TAF4: variants seen among roughly 807,000 people sequenced by gnomAD.
TAF4 encodes the protein transcription initiation factor TFIID subunit 4.
Under a neutral mutation model 90.3 loss-of-function variants are expected in TAF4, and 9 were observed. The ratio of observed to expected loss-of-function variants is 0.10; its 90% CI spans 0.06 to 0.17. The LOEUF is 0.17. TAF4 is among the 10% of genes least tolerant of loss of function. The pLI is 1.00. For missense variants in TAF4, 1,351 were observed against 1,370.7 expected (o/e 0.99, Z 0.23); for synonymous variants, 818 against 638.9 (o/e 1.28, Z -4.23).
At chr20:62,020,620 G>A (rs2055837337) in intron 1 of TAF4, among the ~76,000 whole-genome samples, 1 of 152,136 alleles carries the variant, frequency 6.6e-6, no homozygotes, top group South Asian at 2.1e-4. Context: ...CCACCAGATG[G>A]GCAAACAGCC....
intron 14 of TAF4, among the ~76,000 whole-genome samples, chr20:61,987,619 G>T (rs2055601098): frequency 6.6e-6 from 1 of 152,214 alleles, no homozygotes; most frequent in South Asian, 2.1e-4. Context: ...AGCCGTGGCT[G>T]CTGGGAAGGC....
At position 62,006,747 on chromosome 20, in the gene TAF4, G is replaced by A. The variant is rs28382080; in HGVS notation, c.1986C>T (p.Pro662=). The change falls in exon 7 of 15, where the codon CCC becomes CCT. Residue 662 remains proline (P), a synonymous_variant. Transcript: ENST00000252996. The surrounding 1 kb of genome is among the most constrained non-coding windows in gnomAD (Gnocchi z 7.0). ...YLVPFLKRSL[P]ALRQLTPDSA... ...AGTCGGGGGTCAGCTGTCTCAAGGC[G>A]GGTAAGCTCCTCTGGGTGGAAAGAC... 6.8e-4 allele frequency: 1,032 copies of A among 1,523,610 alleles called. 1 individual carries two copies. The highest frequency in any genetic ancestry group is 8.3e-4 in the Non-Finnish European group (934 of 1,127,062). The allele number at this position is 1,523,610 out of a possible 1,614,324, so 94.4% of individuals were successfully genotyped here. A position where few individuals can be genotyped will look rare whatever the true frequency, so the allele number is the denominator to read the frequency against.
At chr20:61,978,670 G>A (rs546973165) in intron 14 of TAF4, among the ~76,000 whole-genome samples, 5 of 151,194 alleles carry the variant, frequency 3.3e-5, no homozygotes, top group Admixed American at 6.6e-5. Flanking sequence ...ACCAAGGCCG[G>A]GGGCGAGACC....
At chr20:62,038,429 A>G (rs965804118) in intron 1 of TAF4, among the ~76,000 whole-genome samples, 41 of 151,998 alleles carry the variant, frequency 2.7e-4, no homozygotes, top group Non-Finnish European at 4.3e-4. Flanking sequence ...CCAAAGTGCT[A>G]GGATTACAGG....
At chr20:61,996,690 T>C (rs562212143) in intron 14 of TAF4, among the ~76,000 whole-genome samples, 1 of 151,342 alleles carries the variant, frequency 6.6e-6, no homozygotes, top group East Asian at 2.0e-4. Flanking sequence ...TCCCAGCTAC[T>C]CGGGAGGCTG....
intron 14 of TAF4, among the ~76,000 whole-genome samples, chr20:61,986,998 T>C (rs1458459370): frequency 3.9e-5 from 6 of 152,202 alleles, no homozygotes. Context: ...CTCCTTGAGA[T>C]ACCTACTAAT....
intron 2 of TAF4, 152 bp downstream of exon 2, chr20:62,014,395 C>G: frequency 9.3e-7 from 1 of 1,080,890 alleles, no homozygotes; most frequent in Non-Finnish European, 1.3e-6. Flanking sequence ...CCGGGCCCAT[C>G]CTAGATGGGA....
rs575177439 is a variant in TAF4, at chr20:62,036,753, G to A, written c.1361-22046C>T. On this transcript the variant is annotated intron_variant, in intron 1 of 14. Transcript: ENST00000252996. ...TTAACAAAAATAAACATCCACTCAC[G>A]ACAAAAATTCTCACCAAACTAGGAA... Among the ~76,000 whole-genome samples, 92 of 152,292 alleles carry A rather than the reference G, an allele frequency of 6.0e-4. 1 individual carries two copies. Among genetic ancestry groups the A allele is most frequent in the Admixed American group, 2.4e-3 (37 of 15,296 alleles).
At chr20:61,991,911 T>G (rs934608666) in intron 14 of TAF4, among the ~76,000 whole-genome samples, 2 of 150,768 alleles carry the variant, frequency 1.3e-5, no homozygotes, top group Non-Finnish European at 3.0e-5. Flanking sequence ...CTACAGGAGG[T>G]AAAATGAGGC....
At chr20:62,008,718 A>G (rs908209761) in intron 5 of TAF4, 18 of 206,244 alleles carry the variant, frequency 8.7e-5, no homozygotes, top group Admixed American at 5.1e-4. Flanking sequence ...AGAGGGCCAG[A>G]AGGGAGTTGC....
At chr20:61,990,754 A>T (rs2055626509) in intron 14 of TAF4, among the ~76,000 whole-genome samples, 1 of 152,204 alleles carries the variant, frequency 6.6e-6, no homozygotes, top group Non-Finnish European at 1.5e-5. Context: ...AGGGACAAGG[A>T]AGGCAAAGCA....
intron 11 of TAF4, among the ~76,000 whole-genome samples, chr20:61,999,840 T>C (rs1387143246): frequency 6.6e-6 from 1 of 152,136 alleles, no homozygotes; most frequent in South Asian, 2.1e-4. Context: ...TCCCAGCTAC[T>C]TGGGAGGCGA....
Position 62,065,317 on chromosome 20 carries a change from G to A in TAF4, c.494C>T (p.Ala165Val), listed in dbSNP as rs1364672934. 1.1e-6 allele frequency: 1 copy of A among 939,526 alleles called. No individual in the cohort carries two copies. Among genetic ancestry groups the A allele is most frequent in the Non-Finnish European group, 1.3e-6 (1 of 794,732 alleles). The allele number at this position is 939,526 out of a possible 1,614,324, so 58.2% of individuals were successfully genotyped here. A position where few individuals can be genotyped will look rare whatever the true frequency, so the allele number is the denominator to read the frequency against. The change falls in exon 1 of 15, where the codon GCG (alanine) becomes GTG (valine). Residue 165 changes from alanine to valine, a missense_variant. Physicochemically the swap from Ala to Val is moderately conservative, Grantham distance 64. Around this residue, in one of 9 missense-constraint regions of TAF4, gnomAD observed 782 missense variants for 536.6 expected, o/e 1.46. Coordinates refer to ENST00000252996, the MANE Select transcript of TAF4 (RefSeq NM_003185.4). ...AGPAKPAGPA[A>V]LAARAGPGPG... The stretch of plus-strand genomic sequence containing the variant: ...GCCGGGGCCGGCGCGGGCGGCCAGC[G>A]CGGCGGGGCCGGCGGGCTTGGCGGG...
At chr20:62,030,213 G>A (rs759740588) in intron 1 of TAF4, among the ~76,000 whole-genome samples, 7 of 152,222 alleles carry the variant, frequency 4.6e-5, no homozygotes, top group Non-Finnish European at 7.3e-5. Flanking sequence ...CAACGAGCCC[G>A]CCAGGAAACT....
At chr20:62,003,081 C>T in intron 9 of TAF4, 79 bp downstream of exon 9, 8 of 1,255,730 alleles carry the variant, frequency 6.4e-6, no homozygotes, top group Admixed American at 4.0e-5. Flanking sequence ...GACCCGTGGG[C>T]GGGAATGGAG....
chr20:62,050,148 C>T (rs2056018287), intron 1 of TAF4, among the ~76,000 whole-genome samples: 1 of 152,220 alleles, frequency 6.6e-6, no homozygotes. Context: ...ACAGGTAACA[C>T]CCAGAGCCCC....
In TAF4 at chr20:62,010,280, C is replaced by T; in HGVS notation, c.1642-115G>A. On this transcript the variant is annotated intron_variant, in intron 3 of 14. Coordinates refer to ENST00000252996, the MANE Select transcript of TAF4 (RefSeq NM_003185.4). The surrounding 1 kb of genome is among the most constrained non-coding windows in gnomAD (Gnocchi z 4.5). Reference sequence around the variant, plus strand: ...AGCCTCCCTGCGGTGGCCAGGACGCCCAGGAAGCCAAGGACCCCGGCCACC... The same window carrying T: ...AGCCTCCCTGCGGTGGCCAGGACGCTCAGGAAGCCAAGGACCCCGGCCACC... 3.3e-6 allele frequency: 5 copies of T among 1,506,442 alleles called. No individual in the cohort carries two copies. In the South Asian group the frequency reaches 6.1e-5, roughly 18 times the overall value. 93.3% of individuals were successfully genotyped at this position (1,506,442 alleles called of 1,614,324 possible).
At chr20:62,045,518 C>T (rs550198038) in intron 1 of TAF4, among the ~76,000 whole-genome samples, 123 of 152,374 alleles carry the variant, frequency 8.1e-4, no homozygotes, top group Non-Finnish European at 1.3e-3. Flanking sequence ...CCCGTGGTCT[C>T]GGTTCTACAG....
chr20:62,043,784 A>G (rs1043956054), intron 1 of TAF4, among the ~76,000 whole-genome samples: 1 of 152,166 alleles, frequency 6.6e-6, no homozygotes, highest in Non-Finnish European at 1.5e-5. Flanking sequence ...TGTGCCATCC[A>G]GGTTTGTGTT....
Sources: allele counts gnomAD v4.1 joint callset (sites outside exome capture counted in the v4.1 genomes callset), GRCh38; gene constraint gnomAD v4.1.1; regional missense constraint gnomAD v4.1.1; non-coding constraint Gnocchi (gnomAD v3.1); transcripts MANE v1.5; gene names NCBI Gene and HGNC (gene_info 2026-07-23, HGNC 2026-07-21).